DAAM2: variants seen among roughly 807,000 people sequenced by gnomAD.
DAAM2 encodes dishevelled associated activator of morphogenesis 2, also known as disheveled-associated activator of morphogenesis 2.
In DAAM2, 39 loss-of-function variants were observed where a neutral mutation model predicts 120.7. The observed-to-expected ratio is 0.32, with a 90% confidence interval of 0.25 to 0.42. The LOEUF (loss-of-function observed/expected upper bound fraction) is 0.42. Among genes scored for constraint, DAAM2 ranks in the 10% least tolerant of loss-of-function variants. DAAM2 has a pLI of 1.00. For missense variants in DAAM2, 1,283 were observed against 1,401.7 expected (o/e 0.92, Z 1.35); for synonymous variants, 488 against 524.9 (o/e 0.93, Z 0.96).
intron 2 of DAAM2, among the ~76,000 whole-genome samples, chr6:39,858,616 A>G (rs1321002827): frequency 1.3e-5 from 2 of 152,200 alleles, no homozygotes; most frequent in Non-Finnish European, 2.9e-5. Context: ...CCTTATCTGT[A>G]AAATGAGTTG....
chr6:39,863,141 C>G (rs1413480811), intron 3 of DAAM2, among the ~76,000 whole-genome samples: 1 of 151,910 alleles, frequency 6.6e-6, no homozygotes, highest in Non-Finnish European at 1.5e-5. Context: ...GACCATGACT[C>G]TTTACTCCGT....
Position 39,896,857 on chromosome 6 carries a change from G to C in DAAM2, c.2387G>C (p.Arg796Thr), listed in dbSNP as rs770093066. Residue 796 changes from arginine to threonine, a missense_variant, in exon 20 of 25, where the codon AGA (arginine) becomes ACA (threonine). Coordinates refer to ENST00000274867, the MANE Select transcript of DAAM2 (RefSeq NM_001201427.2). Reference sequence around the variant, plus strand: ...GAGCTGGTCCGCAGCAAGCGTCTTAGACAGATGCTAGAGGTCATCCTAGCC... The same window carrying C: ...GAGCTGGTCCGCAGCAAGCGTCTTACACAGATGCTAGAGGTCATCCTAGCC... ...SRELVRSKRL[R>T]QMLEVILAIG... 1 of 1,613,204 alleles carries C rather than the reference G, an allele frequency of 6.2e-7. No homozygotes were observed. Among genetic ancestry groups the C allele is most frequent in the South Asian group, 1.1e-5 (1 of 90,986 alleles).
At chr6:39,900,026 C>G in intron 22 of DAAM2, 51 bp from the exon 23 acceptor site, 1 of 1,566,590 alleles carries the variant, frequency 6.4e-7, no homozygotes. Context: ...CCCCTGCACC[C>G]GACTCTCATC....
rs570560575 is a variant in DAAM2 at position 39,799,328 on chromosome 6, G to T, written c.-57+6863G>T. ...GCCAAGATAATTGGGAGTTGATTTG[G>T]TATGTGCCAAGAGAATTGGGATTTG... On this transcript the variant is annotated intron_variant, in intron 1 of 24. Coordinates refer to ENST00000274867, the MANE Select transcript of DAAM2 (RefSeq NM_001201427.2). Among the ~76,000 whole-genome samples the T allele has an allele frequency of 1.4e-4, 22 of 152,306 alleles. No homozygotes were observed. In the South Asian group the frequency reaches 4.6e-3, roughly 32 times the overall value.
rs1562038416 is a variant in DAAM2 at position 39,867,605 on chromosome 6, C to T, written c.524C>T (p.Thr175Ile). The change falls in exon 6 of 25, where the codon ACC becomes ATC. Residue 175 changes from threonine to isoleucine, a missense_variant. Transcript: ENST00000274867. ...DHATCESRIHTSLIGCIKALM... is the reference protein window; with the variant it reads ...DHATCESRIHISLIGCIKALM... ...GCCACCTGTGAGAGCCGCATCCACA[C>T]CTCACTCATTGGCTGCATCAAAGCA... The T allele has an allele frequency of 6.2e-7, 1 of 1,614,068 alleles. No individual in the cohort carries two copies. The highest frequency in any genetic ancestry group is 8.5e-7 in the Non-Finnish European group (1 of 1,179,896).
At chr6:39,798,059 T>C (rs1761753148) in intron 1 of DAAM2, among the ~76,000 whole-genome samples, 2 of 152,220 alleles carry the variant, frequency 1.3e-5, no homozygotes, top group African/African-American at 4.8e-5. Flanking sequence ...CCTACAAAGC[T>C]GAAAACATTT....
rs760963740 is a variant in DAAM2 at position 39,867,545 on chromosome 6, C to T, written c.464C>T (p.Thr155Ile). 7.4e-6 allele frequency: 12 copies of T among 1,614,024 alleles called. No homozygotes were observed. Among genetic ancestry groups the T allele is most frequent in the Non-Finnish European group, 9.3e-6 (11 of 1,179,894 alleles). Reference protein sequence around the residue: ...VTRFIELEGLTCLLNFLRSMD... With the variant: ...VTRFIELEGLICLLNFLRSMD... ...CGCTTCATTGAGCTGGAGGGCTTGA[C>T]CTGTCTGCTAAATTTCCTCCGGAGC... Residue 155 changes from threonine to isoleucine, a missense_variant, in exon 6 of 25, where the codon ACC becomes ATC. Thr to Ile is a moderately conservative substitution (Grantham distance 89). This residue lies in a region of DAAM2 where 338 missense variants were observed against 443.9 expected (regional missense o/e 0.76). Transcript: ENST00000274867.
intron 1 of DAAM2, among the ~76,000 whole-genome samples, chr6:39,806,840 C>CAAAAAAAAAAAAA (rs200270782): frequency 4.0e-5 from 1 of 25,192 alleles, no homozygotes; most frequent in Admixed American, 4.9e-4. Flanking sequence ...ATCAGATTGG[C>CAAAAAAAAAAAAA]AAAAAAAAAA....
chr6:39,856,238 C>T lies in DAAM2; in HGVS notation c.-56-9C>T. The T allele has an allele frequency of 7.2e-7, 1 of 1,381,584 alleles. No homozygotes were observed. Among genetic ancestry groups the T allele is most frequent in the Non-Finnish European group, 9.4e-7 (1 of 1,064,722 alleles). 85.6% of individuals were successfully genotyped at this position (1,381,584 alleles called of 1,614,324 possible). ...GCCTGACCACCCTGTGTTCTCTCCT[C>T]TTGTCCAGATCACAATGAGGACCTA... is the stretch of plus-strand genomic sequence containing the variant. On this transcript the variant is annotated splice_polypyrimidine_tract_variant and intron_variant, in intron 1 of 24. Transcript: ENST00000274867.
chr6:39,878,290 C>A lies in DAAM2; in HGVS notation c.1360+29C>A. On this transcript the variant is annotated intron_variant, in intron 12 of 24. Transcript: ENST00000274867. The surrounding 1 kb of genome is among the most constrained non-coding windows in gnomAD (Gnocchi z 5.0). ...AGGGGCTCTGCTTAAGCCTGCTGTC[C>A]ACTCCACATGCCCTTCCCCTGCCCA... 6.2e-7 allele frequency: 1 copy of A among 1,613,386 alleles called. No homozygotes were observed. Among genetic ancestry groups the A allele is most frequent in the African/African-American group, 1.3e-5 (1 of 75,042 alleles).
At chr6:39,875,564 C>A in intron 11 of DAAM2, 96 bp downstream of exon 11, 1 of 1,413,360 alleles carries the variant, frequency 7.1e-7, no homozygotes, top group South Asian at 1.4e-5. Flanking sequence ...CCTTTCGCAA[C>A]CCAGTCATCC....
intron 11 of DAAM2, among the ~76,000 whole-genome samples, chr6:39,877,724 C>T (rs1764927681): frequency 6.6e-6 from 1 of 152,230 alleles, no homozygotes; most frequent in Non-Finnish European, 1.5e-5. Flanking sequence ...ACTCTGAACA[C>T]ATTCAGTCTG....
intron 1 of DAAM2, among the ~76,000 whole-genome samples, chr6:39,804,406 A>G (rs1035990176): frequency 3.9e-5 from 6 of 152,110 alleles, no homozygotes; most frequent in African/African-American, 1.4e-4. Context: ...GTATTCATTT[A>G]CTCAGTCACT....
chr6:39,823,692 G>A (rs1762567608), intron 1 of DAAM2, among the ~76,000 whole-genome samples: 1 of 152,192 alleles, frequency 6.6e-6, no homozygotes. Context: ...GATCCCTGGT[G>A]TACAGAACTG....
chr6:39,900,287 A>T (rs1766400996), intron 23 of DAAM2, 79 bp downstream of exon 23: 5 of 1,519,330 alleles, frequency 3.3e-6, no homozygotes, highest in Non-Finnish European at 4.4e-6. Flanking sequence ...TACCACAGAC[A>T]GCCCAGGAGG....
chr6:39,890,924 C>A (rs1485911292), intron 17 of DAAM2, among the ~76,000 whole-genome samples: 6 of 151,376 alleles, frequency 4.0e-5, no homozygotes, highest in Admixed American at 3.9e-4. Context: ...TCCAGTCTTA[C>A]AAAATAAAAA....
At position 39,891,689 on chromosome 6, in the gene DAAM2, G is replaced by T; in HGVS notation, c.2308G>T (p.Glu770Ter). Reference protein sequence around the residue: ...QALFFKKKFQERLAEAKPKVE... With the variant: ...QALFFKKKFQ ...CCTCTTCTTCAAGAAGAAATTCCAG[G>T]AGCGGCTGGCTGAGGCAAAGCCCAA... Residue 770 changes from glutamate (E) to a stop codon, truncating the protein, a stop_gained, in exon 19 of 25, where the codon GAG (glutamate) becomes TAG (stop). Transcript: ENST00000274867. LOFTEE classifies it high-confidence loss of function. The T allele has an allele frequency of 6.2e-7, 1 of 1,608,480 alleles. No individual in the cohort carries two copies. The highest frequency in any genetic ancestry group is 8.5e-7 in the Non-Finnish European group (1 of 1,177,472).
intron 1 of DAAM2, among the ~76,000 whole-genome samples, chr6:39,852,657 C>T (rs541626441): frequency 6.6e-6 from 1 of 152,344 alleles, no homozygotes; most frequent in Admixed American, 6.5e-5. Flanking sequence ...ACTTCCTGTA[C>T]TCCTCACTGA....
chr6:39,901,659 G>A lies in DAAM2; in HGVS notation c.2983-154G>A, dbSNP rs998578649. ...GAGGGAAGAGAGTGGTGTGAAGCTG[G>A]GGGCCTGTATGTCCTAGGCAGGAAG... is the stretch of plus-strand genomic sequence containing the variant. On this transcript the variant is annotated intron_variant, in intron 24 of 24. Transcript: ENST00000274867. This position sits in a 1 kb window ranked among gnomAD's most constrained non-coding sequence, Gnocchi z 4.5. Among the ~76,000 whole-genome samples the A allele has an allele frequency of 6.6e-6, 1 of 152,156 alleles. No individual in the cohort carries two copies. The highest frequency in any genetic ancestry group is 1.5e-5 in the Non-Finnish European group (1 of 68,016).
Sources: gnomAD v4.1 joint callset for allele counts (sites outside exome capture counted in the v4.1 genomes callset) on GRCh38, gnomAD v4.1.1 for gene constraint, gnomAD v4.1.1 regional missense constraint, Gnocchi (gnomAD v3.1) non-coding constraint, MANE v1.5 for transcripts, NCBI Gene and HGNC (gene_info 2026-07-23, HGNC 2026-07-21) for gene names.